The following UBAP2L variants were observed in gnomAD, a reference collection of about 807,000 sequenced individuals.
The protein encoded by UBAP2L is ubiquitin-associated protein 2-like.
Under a neutral mutation model 130.6 loss-of-function variants are expected in UBAP2L, and 12 were observed. That is an observed-to-expected ratio of 0.09 (90% confidence interval 0.06 to 0.15). The LOEUF (loss-of-function observed/expected upper bound fraction) is 0.15, where lower values mean the gene tolerates loss of function less well. UBAP2L is among the 10% of genes least tolerant of loss of function. The probability of loss-of-function intolerance (pLI) is 1.00; values close to 1 mark genes in which losing one functional copy is unlikely to be tolerated. For synonymous variants in UBAP2L, 503 were observed against 524.7 expected (o/e 0.96, Z 0.57); for missense variants, 965 against 1,332.5 (o/e 0.72, Z 4.29).
rs1362613592 is a variant in UBAP2L, at chr1:154,251,293, A to G, written c.1466A>G (p.Lys489Arg). ...QPAQQKLKQQ[K>R]KKASLTSKIP... is the part of the protein sequence containing the mutation. ...GCTCAGCAGAAACTGAAACAGCAGA[A>G]GAAAAAAGCCTCCTTGACTTCTAAG... Residue 489 changes from lysine to arginine, a missense_variant, in exon 13 of 27, where the codon AAG becomes AGG. Around this residue, in one of 9 missense-constraint regions of UBAP2L, gnomAD observed 74 missense variants for 97.1 expected, o/e 0.76. Coordinates refer to ENST00000428931, the MANE Select transcript of UBAP2L (RefSeq NM_014847.4). The G allele has an allele frequency of 1.9e-6, 3 of 1,613,522 alleles. No individual in the cohort carries two copies. Among genetic ancestry groups the G allele is most frequent in the Non-Finnish European group, 2.5e-6 (3 of 1,179,864 alleles).
At chr1:154,243,553 T>G (rs1264131420) in intron 10 of UBAP2L, among the ~76,000 whole-genome samples, 1 of 152,130 alleles carries the variant, frequency 6.6e-6, no homozygotes, top group African/African-American at 2.4e-5. Flanking sequence ...CTCTGCCTCC[T>G]GGGCTCAAGC....
intron 24 of UBAP2L, among the ~76,000 whole-genome samples, chr1:154,262,569 T>TTCC (rs1197032446): frequency 6.6e-6 from 1 of 152,136 alleles, no homozygotes; most frequent in African/African-American, 2.4e-5. Flanking sequence ...TCATGGTGAT[T>TTCC]TGGATAGAGC....
At chr1:154,246,136 A>G in intron 10 of UBAP2L, 68 bp from the exon 11 acceptor site, 1 of 1,524,946 alleles carries the variant, frequency 6.6e-7, no homozygotes, top group South Asian at 1.2e-5. Context: ...ATCTAATCTG[A>G]TTTGAGTGTT....
At chr1:154,226,563 C>A (rs1290596552) in intron 2 of UBAP2L, among the ~76,000 whole-genome samples, 2 of 152,130 alleles carry the variant, frequency 1.3e-5, no homozygotes, top group Non-Finnish European at 2.9e-5. Flanking sequence ...TCTGAACATA[C>A]ACTGGATATA....
intron 4 of UBAP2L, among the ~76,000 whole-genome samples, chr1:154,232,983 G>A (rs1670349738): frequency 6.6e-6 from 1 of 152,054 alleles, no homozygotes; most frequent in Admixed American, 6.6e-5. Context: ...TGAGGTTATA[G>A]GTGTGAGCCA....
intron 8 of UBAP2L, among the ~76,000 whole-genome samples, chr1:154,238,513 A>G (rs1210803304): frequency 1.3e-5 from 2 of 152,328 alleles, no homozygotes; most frequent in East Asian, 3.9e-4. Context: ...AAATTCAGGC[A>G]TGGGGTCCCA....
At chr1:154,250,352 AT>A (rs34620231) in intron 12 of UBAP2L, among the ~76,000 whole-genome samples, 1 of 151,244 alleles carries the variant, frequency 6.6e-6, no homozygotes, top group African/African-American at 2.4e-5. Flanking sequence ...GCACCTGGCC[AT>A]TTTTTTTTCC....
chr1:154,227,326 T>C lies in UBAP2L; in HGVS notation c.135T>C (p.His45=), dbSNP rs1313572505. The C allele has an allele frequency of 1.2e-6, 2 of 1,613,784 alleles. No homozygotes were observed. The change falls in exon 3 of 27, where the codon CAT becomes CAC. Residue 45 remains histidine (H), a synonymous_variant. Coordinates refer to ENST00000428931, the MANE Select transcript of UBAP2L (RefSeq NM_014847.4). ...GACTTGCACAGATGATTTCGGACCA[T>C]AATGATGCTGACTTTGAGGAGAAGG... is the stretch of plus-strand genomic sequence containing the variant. ...QIRLAQMISD[H]NDADFEEKVK... is the part of the protein sequence containing the mutation.
chr1:154,255,220 G>A lies in UBAP2L; in HGVS notation c.1978G>A (p.Val660Ile). Residue 660 changes from valine to isoleucine, a missense_variant, in exon 17 of 27, where the codon GTA (valine) becomes ATA (isoleucine). Val to Ile is a conservative substitution (Grantham distance 29). This residue lies in a region of UBAP2L where 393 missense variants were observed against 408.1 expected (regional missense o/e 0.96). Transcript: ENST00000428931. ...TSSIPPLNET[V>I]SAASLLTTTN... ...TAGCATCCCCCCTCTCAATGAAACG[G>A]TATCTGCAGCTTCCTTACTGACGAC... The A allele has an allele frequency of 1.2e-6, 2 of 1,614,190 alleles. No homozygotes were observed. The highest frequency in any genetic ancestry group is 1.7e-6 in the Non-Finnish European group (2 of 1,180,030).
downstream of UBAP2L, chr1:154,271,271 A>C (rs976843208): frequency 4.3e-6 from 1 of 230,688 alleles, no homozygotes; most frequent in Non-Finnish European, 8.6e-6. Context: ...GGGTCCAGGC[A>C]AATAAACTAA....
chr1:154,254,602 C>A, intron 15 of UBAP2L: 1 of 562,434 alleles, frequency 1.8e-6, no homozygotes. Flanking sequence ...GTAGGGTTTC[C>A]TTCTTTTGCT....
chr1:154,267,880 C>CTTTATTTTTTTTT (rs1683767431), intron 25 of UBAP2L, among the ~76,000 whole-genome samples: 1 of 52,056 alleles, frequency 1.9e-5, no homozygotes, highest in Non-Finnish European at 3.6e-5. Context: ...CTTATTTGGT[C>CTTTATTTTTTTTT]TTTTTTTTTT....
At chr1:154,237,887 G>A (rs898512858) in intron 8 of UBAP2L, among the ~76,000 whole-genome samples, 3 of 152,188 alleles carry the variant, frequency 2.0e-5, no homozygotes, top group African/African-American at 7.2e-5. Flanking sequence ...GGGTGGATAC[G>A]TGTGCCACTT....
intron 4 of UBAP2L, among the ~76,000 whole-genome samples, chr1:154,231,887 A>T (rs749446671): frequency 9.2e-5 from 14 of 152,186 alleles, no homozygotes; most frequent in Non-Finnish European, 2.9e-5. Flanking sequence ...AAAGGAGGAT[A>T]CTCTTACATT....
intron 24 of UBAP2L, among the ~76,000 whole-genome samples, chr1:154,262,537 A>G (rs1681910305): frequency 6.6e-6 from 1 of 152,166 alleles, no homozygotes; most frequent in African/African-American, 2.4e-5. Context: ...TGTCCTTCAA[A>G]GCTGTCAGCT....
chr1:154,235,696 G>C (rs988141668), intron 6 of UBAP2L, among the ~76,000 whole-genome samples: 3 of 152,174 alleles, frequency 2.0e-5, no homozygotes, highest in Admixed American at 2.0e-4. Flanking sequence ...TTTTAGTAGA[G>C]ATGGGCTTTC....
intron 4 of UBAP2L, among the ~76,000 whole-genome samples, chr1:154,232,339 A>G (rs1670130735): frequency 6.7e-6 from 1 of 150,342 alleles, no homozygotes; most frequent in African/African-American, 2.5e-5. Flanking sequence ...AAAAAAAAGG[A>G]AAGAAATCTG....
chr1:154,254,053 C>G lies in UBAP2L; in HGVS notation c.1818C>G (p.Ile606Met), dbSNP rs768605059. The change falls in exon 15 of 27, where the codon ATC becomes ATG. Residue 606 changes from isoleucine (I) to methionine (M), a missense_variant. Ile to Met is a conservative substitution (Grantham distance 10). Around this residue, in one of 9 missense-constraint regions of UBAP2L, gnomAD observed 393 missense variants for 408.1 expected, o/e 0.96. Coordinates refer to ENST00000428931, the MANE Select transcript of UBAP2L (RefSeq NM_014847.4). The part of the protein sequence containing the change: ...STQTRRYPSS[I>M]SSSPQKDLTQ... ...AGACTCGGCGGTACCCCAGCTCCAT[C>G]TCTTCATCACCCCAAAAGGACCTGA... The G allele has an allele frequency of 1.9e-6, 3 of 1,597,318 alleles. No individual in the cohort carries two copies. Among genetic ancestry groups the G allele is most frequent in the Non-Finnish European group, 2.6e-6 (3 of 1,173,118 alleles).
intron 10 of UBAP2L, among the ~76,000 whole-genome samples, chr1:154,243,894 G>C (rs1185958035): frequency 1.3e-5 from 2 of 152,158 alleles, no homozygotes; most frequent in African/African-American, 4.8e-5. Context: ...CCAGCATTGA[G>C]TATATAACTT....
Sources: gnomAD v4.1 joint callset for allele counts (sites outside exome capture counted in the v4.1 genomes callset) on GRCh38, gnomAD v4.1.1 for gene constraint, gnomAD v4.1.1 regional missense constraint, MANE v1.5 for transcripts, NCBI Gene and HGNC (gene_info 2026-07-23, HGNC 2026-07-21) for gene names.